The following RADIL variants were observed in gnomAD, a reference collection of about 807,000 sequenced individuals.
RADIL encodes Rap associating with DIL domain.
In RADIL, 99 loss-of-function variants were observed where a neutral mutation model predicts 97.6. The observed-to-expected ratio is 1.01, with a 90% CI of 0.86 to 1.20. RADIL has a LOEUF of 1.20. RADIL is among the 50% of genes most tolerant of loss of function. The pLI, the probability that RADIL is intolerant of heterozygous loss-of-function variation, is 0.00. For missense variants in RADIL, 1,765 were observed against 1,498.9 expected, an observed-to-expected ratio of 1.18 and a Z score of -2.93; for synonymous variants, 803 against 691.8, an observed-to-expected ratio of 1.16 and a Z score of -2.52.
In RADIL at chr7:4,822,489, A is replaced by C; in HGVS notation, c.1520T>G (p.Leu507Arg). 6.2e-7 allele frequency: 1 copy of C among 1,613,124 alleles called. No individual in the cohort carries two copies. Among genetic ancestry groups the C allele is most frequent in the Non-Finnish European group, 8.5e-7 (1 of 1,180,016 alleles). ...CTCGATGGAGTTAGACATCCAGAAA[A>C]GAATGGGCTGCAAGTCTGGAACCAG... ...ADLVPDLQPILFWMSNSIELL... is the reference protein window; with the variant it reads ...ADLVPDLQPIRFWMSNSIELL... Residue 507 changes from leucine to arginine, a missense_variant, in exon 6 of 15, where the codon CTT becomes CGT. Leu to Arg is a moderately radical substitution (Grantham distance 102). Transcript: ENST00000399583. The surrounding 1 kb of genome is among the most constrained non-coding windows in gnomAD (Gnocchi z 5.3).
At chr7:4,853,470 T>C (rs1783756230) in intron 2 of RADIL, among the ~76,000 whole-genome samples, 1 of 151,952 alleles carries the variant, frequency 6.6e-6, no homozygotes, top group Non-Finnish European at 1.5e-5. Flanking sequence ...AGGCCGGGCA[T>C]GTTGGCTCAC....
intron 2 of RADIL, among the ~76,000 whole-genome samples, chr7:4,856,106 G>A (rs1783823949): frequency 8.9e-6 from 1 of 112,908 alleles, no homozygotes; most frequent in African/African-American, 4.5e-5. Flanking sequence ...ACTGAATCCA[G>A]CTTTTTTTTT....
At chr7:4,875,308 G>A (rs546997638) in intron 2 of RADIL, among the ~76,000 whole-genome samples, 2 of 151,768 alleles carry the variant, frequency 1.3e-5, no homozygotes, top group South Asian at 2.1e-4. Flanking sequence ...CAGGAGAATC[G>A]TTTGAACCTG....
intron 5 of RADIL, among the ~76,000 whole-genome samples, chr7:4,826,747 A>C (rs2115208588): frequency 6.6e-6 from 1 of 150,582 alleles, no homozygotes; most frequent in African/African-American, 2.4e-5. Context: ...AAAAAAAACA[A>C]AAAAAAAAAC....
chr7:4,815,599 C>T lies in RADIL; in HGVS notation c.1967-149G>A. 1 of 899,794 alleles carries T rather than the reference C, an allele frequency of 1.1e-6. No homozygotes were observed. Among genetic ancestry groups the T allele is most frequent in the African/African-American group, 1.7e-5 (1 of 58,098 alleles). 55.7% of individuals were successfully genotyped at this position (899,794 alleles called of 1,614,324 possible). A position where few individuals can be genotyped will look rare whatever the true frequency, so the allele number is the denominator to read the frequency against. ...AGGCAGGACACCTTCCCTCGGTTTTCAAGGCAACTGACCAGCCTTGAACCC... is the reference window on the plus strand; with the variant it reads ...AGGCAGGACACCTTCCCTCGGTTTTTAAGGCAACTGACCAGCCTTGAACCC... On this transcript the variant is annotated intron_variant, in intron 8 of 14. Transcript: ENST00000399583. The surrounding 1 kb of genome is among the most constrained non-coding windows in gnomAD (Gnocchi z 8.0).
chr7:4,856,049 T>A (rs1282080360), intron 2 of RADIL, among the ~76,000 whole-genome samples: 1 of 151,814 alleles, frequency 6.6e-6, no homozygotes, highest in African/African-American at 2.4e-5. Context: ...CCTCAAGTGA[T>A]CCGCTCGCCT....
chr7:4,873,367 G>C lies in RADIL; in HGVS notation c.535+4238C>G, dbSNP rs1217750828. Among the ~76,000 whole-genome samples the C allele has an allele frequency of 6.6e-6, 1 of 152,032 alleles. No individual in the cohort carries two copies. The highest frequency in any genetic ancestry group is 2.4e-5 in the African/African-American group (1 of 41,412). On this transcript the variant is annotated intron_variant, in intron 2 of 14. Coordinates refer to ENST00000399583, the MANE Select transcript of RADIL (RefSeq NM_018059.5). This position sits in a 1 kb window ranked among gnomAD's most constrained non-coding sequence, Gnocchi z 4.3. ...CATGCACACACATGCACACCACACA[G>C]ACACACACACATGGTCACACGTGCA...
At chr7:4,859,306 G>A (rs955294750) in intron 2 of RADIL, 1 of 152,882 alleles carries the variant, frequency 6.5e-6, no homozygotes, top group Non-Finnish European at 1.5e-5. Flanking sequence ...TGCCTCATCA[G>A]TATAAGGAAT....
chr7:4,825,908 A>AAT (rs760101468), intron 5 of RADIL, among the ~76,000 whole-genome samples: 4 of 144,974 alleles, frequency 2.8e-5, no homozygotes, highest in Non-Finnish European at 3.0e-5. Flanking sequence ...AAAAAAAAAA[A>AAT]GGGAAATGAA....
rs1783425665 is a variant in RADIL at position 4,840,970 on chromosome 7, A to T, written c.536-4365T>A. On this transcript the variant is annotated intron_variant, in intron 2 of 14. Coordinates refer to ENST00000399583, the MANE Select transcript of RADIL (RefSeq NM_018059.5). The surrounding 1 kb of genome is among the most constrained non-coding windows in gnomAD (Gnocchi z 5.6). ...TGACAGAGCGAGACTCCGTCTCAAAACAAAACAAAACAACAACAACGAAAA... is the reference window on the plus strand; with the variant it reads ...TGACAGAGCGAGACTCCGTCTCAAATCAAAACAAAACAACAACAACGAAAA... 6.6e-6 allele frequency among the ~76,000 whole-genome samples: 1 copy of T among 152,240 alleles called. No homozygotes were observed. Among genetic ancestry groups the T allele is most frequent in the Non-Finnish European group, 1.5e-5 (1 of 68,042 alleles).
chr7:4,805,401 GGGC>G, intron 10 of RADIL, 162 bp downstream of exon 10: 1 of 767,486 alleles, frequency 1.3e-6, no homozygotes, highest in Non-Finnish European at 1.8e-6. Flanking sequence ...GTTGGGGATG[GGGC>G]GGGGCGGGGG....
chr7:4,809,023 CT>C, intron 9 of RADIL: 5 of 748,788 alleles, frequency 6.7e-6, no homozygotes, highest in Non-Finnish European at 7.7e-6. Flanking sequence ...ACTGCCCCCC[CT>C]TGTCCCCTTC....
rs1783460242 is a variant in RADIL at position 4,842,355 on chromosome 7, C to T, written c.536-5750G>A. Among the ~76,000 whole-genome samples, 1 of 152,190 alleles carries T rather than the reference C, an allele frequency of 6.6e-6. No homozygotes were observed. The highest frequency in any genetic ancestry group is 1.5e-5 in the Non-Finnish European group (1 of 68,026). On this transcript the variant is annotated intron_variant, in intron 2 of 14. Coordinates refer to ENST00000399583, the MANE Select transcript of RADIL (RefSeq NM_018059.5). The surrounding 1 kb of genome is among the most constrained non-coding windows in gnomAD (Gnocchi z 4.5). Reference sequence around the variant, plus strand: ...GCCTGGGCCAAGCCGAGCTGCTGAGCACATCCTCATCTCCAAGGTGAGAAA... The same window carrying T: ...GCCTGGGCCAAGCCGAGCTGCTGAGTACATCCTCATCTCCAAGGTGAGAAA...
chr7:4,801,781 G>T lies in RADIL; in HGVS notation c.2714C>A (p.Pro905His). 6.2e-7 allele frequency: 1 copy of T among 1,610,398 alleles called. No individual in the cohort carries two copies. Among genetic ancestry groups the T allele is most frequent in the East Asian group, 2.2e-5 (1 of 44,798 alleles). Residue 905 changes from proline (P) to histidine (H), a missense_variant, in exon 12 of 15, where the codon CCT (proline) becomes CAT (histidine). By Grantham distance (77) the Pro-to-His change is moderately conservative (BLOSUM62 -2). Transcript: ENST00000399583. ...CTCAGGGCCAAGTGGAGTGCTGGGA[G>T]GCGTGAGCAAGCAGGACGAGTCCGT... ...PHTDSSCLLT[P>H]PSTPLGPEPG...
chr7:4,875,642 T>G (rs1200874479), intron 2 of RADIL, among the ~76,000 whole-genome samples: 2 of 152,228 alleles, frequency 1.3e-5, no homozygotes, highest in African/African-American at 4.8e-5. Context: ...ACTCGCTTTT[T>G]GCCCGCTGCT....
intron 2 of RADIL, among the ~76,000 whole-genome samples, chr7:4,847,766 A>AAAAAAAAC (rs1562448650): frequency 7.2e-6 from 1 of 138,576 alleles, no homozygotes; most frequent in Non-Finnish European, 1.6e-5. Flanking sequence ...AAAAAAAAAA[A>AAAAAAAAC]CACACAGGTA....
chr7:4,862,026 A>T lies in RADIL; in HGVS notation c.535+15579T>A, dbSNP rs1487670736. The T allele has an allele frequency of 5.3e-5, 22 of 418,154 alleles. No individual in the cohort carries two copies. In the Admixed American group the frequency reaches 7.8e-4, roughly 15 times the overall value. The allele number at this position is 418,154 out of a possible 1,614,324, so 25.9% of individuals were successfully genotyped here. ...AGACCCCTCAGCGGCTGCGTTCCAGAACCTACCGTACACGCGCGGGCGCCT... is the reference window on the plus strand; with the variant it reads ...AGACCCCTCAGCGGCTGCGTTCCAGTACCTACCGTACACGCGCGGGCGCCT... On this transcript the variant is annotated intron_variant, in intron 2 of 14. Transcript: ENST00000399583.
In RADIL at chr7:4,879,728, G is replaced by C. The variant is rs914561001; in HGVS notation, c.-64-1525C>G. 6.6e-6 allele frequency among the ~76,000 whole-genome samples: 1 copy of C among 152,174 alleles called. No individual in the cohort carries two copies. Among genetic ancestry groups the C allele is most frequent in the African/African-American group, 2.4e-5 (1 of 41,444 alleles). On this transcript the variant is annotated intron_variant, in intron 1 of 14. Coordinates refer to ENST00000399583, the MANE Select transcript of RADIL (RefSeq NM_018059.5). This position sits in a 1 kb window ranked among gnomAD's most constrained non-coding sequence, Gnocchi z 4.1. ...AAAGCAACCAGGGAACCCCTCCAAA[G>C]AAAAGGAGCCACACTGTCCCTTAGG...
intron 5 of RADIL, among the ~76,000 whole-genome samples, chr7:4,825,413 C>A (rs1026110247): frequency 6.6e-6 from 1 of 152,204 alleles, no homozygotes; most frequent in Non-Finnish European, 1.5e-5. Context: ...CCTATGCATG[C>A]CTGTCGCGTC....
Sources: gnomAD v4.1 joint callset for allele counts (sites outside exome capture counted in the v4.1 genomes callset) on GRCh38, gnomAD v4.1.1 for gene constraint, Gnocchi (gnomAD v3.1) non-coding constraint, MANE v1.5 for transcripts, NCBI Gene and HGNC (gene_info 2026-07-23, HGNC 2026-07-21) for gene names.